Variants in DPP10 observed in about 807,000 individuals in gnomAD.
DPP10 encodes dipeptidyl peptidase like 10.
A neutral mutation model predicts 120.9 loss-of-function variants in DPP10; 33 were observed. The ratio of observed to expected loss-of-function variants is 0.27; its 90% CI spans 0.21 to 0.37. The LOEUF is 0.37. Ranked by LOEUF, DPP10 falls within the 10% of genes least tolerant of loss-of-function variation. The pLI is 1.00. For synonymous variants in DPP10, 337 were observed against 326.1 expected (o/e 1.03, Z -0.36); for missense variants, 816 against 942.8 (o/e 0.87, Z 1.76).
intron 3 of DPP10, among the ~76,000 whole-genome samples, chr2:115,466,111 A>G (rs2105119416): frequency 6.6e-6 from 1 of 152,266 alleles, no homozygotes; most frequent in African/African-American, 2.4e-5. Flanking sequence ...TTTTTCTACA[A>G]ATTCTAACTG....
intron 1 of DPP10, among the ~76,000 whole-genome samples, chr2:114,606,596 C>A (rs996381148): frequency 3.4e-4 from 51 of 152,096 alleles, no homozygotes; most frequent in African/African-American, 1.2e-3. Flanking sequence ...GTGGGAATGA[C>A]AGTCTGGAAG....
At chr2:115,337,627 G>A (rs980367765) in intron 2 of DPP10, among the ~76,000 whole-genome samples, 28 of 120,776 alleles carry the variant, frequency 2.3e-4, no homozygotes, top group African/African-American at 7.4e-4. Flanking sequence ...TGAACATCCC[G>A]AAGGATTACA....
intron 3 of DPP10, among the ~76,000 whole-genome samples, chr2:115,380,827 G>T (rs1004837944): frequency 1.3e-5 from 2 of 152,106 alleles, no homozygotes; most frequent in African/African-American, 2.4e-5. Flanking sequence ...AGTTTGGCTT[G>T]ATATGAAATT....
chr2:114,510,970 T>G (rs1684095955), intron 1 of DPP10, among the ~76,000 whole-genome samples: 1 of 152,254 alleles, frequency 6.6e-6, no homozygotes, highest in Admixed American at 6.5e-5. Flanking sequence ...GTATGTGGTT[T>G]AAAGCATTAG....
At chr2:115,544,126 A>G (rs1020336336) in intron 5 of DPP10, among the ~76,000 whole-genome samples, 3 of 152,014 alleles carry the variant, frequency 2.0e-5, no homozygotes, top group African/African-American at 7.2e-5. Context: ...AAACTGAGGA[A>G]TAAATTAAAA....
At chr2:115,174,890 C>T (rs1013187293) in intron 1 of DPP10, among the ~76,000 whole-genome samples, 13 of 152,266 alleles carry the variant, frequency 8.5e-5, no homozygotes, top group African/African-American at 1.4e-4. Flanking sequence ...CATTGCTTGT[C>T]GGGTTTGTCC....
intron 19 of DPP10, among the ~76,000 whole-genome samples, chr2:115,808,746 G>C (rs1199959166): frequency 6.6e-6 from 1 of 152,204 alleles, no homozygotes; most frequent in Non-Finnish European, 1.5e-5. Flanking sequence ...CTGAAGGTTT[G>C]ACAATGGACA....
chr2:115,672,617 G>A (rs946398936), intron 5 of DPP10, among the ~76,000 whole-genome samples: 18 of 102,482 alleles, frequency 1.8e-4, no homozygotes, highest in African/African-American at 4.6e-4. Context: ...TCATCATGGC[G>A]CCCCTTCTTT....
In DPP10 at chr2:115,602,334, C is replaced by T. The variant is rs2083379715; in HGVS notation, c.441+76362C>T. On this transcript the variant is annotated intron_variant, in intron 5 of 25. Coordinates refer to ENST00000410059, the MANE Select transcript of DPP10 (RefSeq NM_020868.6). ...ACATAATGAATGGTTTAAAAAAATG[C>T]TCGAACACATTTCCAAAGTAAATGC... Among the ~76,000 whole-genome samples, 3 of 152,264 alleles carry T rather than the reference C, an allele frequency of 2.0e-5. No individual in the cohort carries two copies. In the South Asian group the frequency reaches 6.2e-4, roughly 32 times the overall value.
At chr2:114,531,372 A>T (rs1424128604) in intron 1 of DPP10, among the ~76,000 whole-genome samples, 1 of 151,892 alleles carries the variant, frequency 6.6e-6, no homozygotes, top group African/African-American at 2.4e-5. Context: ...TCCTTTCTTG[A>T]TGATGATGAT....
At chr2:115,800,704 A>G (rs1256480919) in intron 19 of DPP10, among the ~76,000 whole-genome samples, 1 of 152,166 alleles carries the variant, frequency 6.6e-6, no homozygotes, top group Admixed American at 6.5e-5. Context: ...TCCTTTCCCC[A>G]TTGCTTGTTT....
At chr2:115,487,113 G>C (rs1162905403) in intron 3 of DPP10, among the ~76,000 whole-genome samples, 2 of 151,686 alleles carry the variant, frequency 1.3e-5, no homozygotes, top group Non-Finnish European at 2.9e-5. Context: ...AATCATGAGT[G>C]AACTCCCATT....
At chr2:115,538,037 C>A (rs1275778447) in intron 5 of DPP10, among the ~76,000 whole-genome samples, 2 of 152,020 alleles carry the variant, frequency 1.3e-5, no homozygotes, top group Non-Finnish European at 2.9e-5. Flanking sequence ...GTCTGCAACA[C>A]TGTAGCCTTG....
chr2:115,205,740 A>G (rs1398686478), intron 1 of DPP10, among the ~76,000 whole-genome samples: 2 of 152,186 alleles, frequency 1.3e-5, no homozygotes, highest in Non-Finnish European at 2.9e-5. Flanking sequence ...ACGTGGATGC[A>G]GTTGGAGGCC....
At chr2:115,066,220 C>T (rs920663801) in intron 1 of DPP10, among the ~76,000 whole-genome samples, 27 of 152,072 alleles carry the variant, frequency 1.8e-4, no homozygotes, top group African/African-American at 6.0e-4. Flanking sequence ...ATGTTTTTCA[C>T]GTTATAGATA....
chr2:115,671,282 T>C (rs1350138705), intron 5 of DPP10, among the ~76,000 whole-genome samples: 1 of 151,876 alleles, frequency 6.6e-6, no homozygotes, highest in Non-Finnish European at 1.5e-5. Flanking sequence ...ACTATAACAG[T>C]TTTATAAACC....
At chr2:115,092,619 A>T (rs956186706) in intron 1 of DPP10, among the ~76,000 whole-genome samples, 3 of 152,152 alleles carry the variant, frequency 2.0e-5, no homozygotes, top group African/African-American at 7.2e-5. Context: ...AAGATAAAAT[A>T]AAAAAAGTAA....
chr2:114,894,369 A>C (rs1348241666), intron 1 of DPP10, among the ~76,000 whole-genome samples: 1 of 152,148 alleles, frequency 6.6e-6, no homozygotes, highest in East Asian at 1.9e-4. Flanking sequence ...AAACAACAAC[A>C]ACAAAGTTTT....
chr2:114,869,286 C>T (rs936854856), intron 1 of DPP10, among the ~76,000 whole-genome samples: 4 of 152,004 alleles, frequency 2.6e-5, no homozygotes, highest in Non-Finnish European at 4.4e-5. Flanking sequence ...TTGTGAAATG[C>T]TCCTTAACTG....
Sources: allele counts gnomAD v4.1 joint callset (sites outside exome capture counted in the v4.1 genomes callset), GRCh38; gene constraint gnomAD v4.1.1; transcripts MANE v1.5; gene names NCBI Gene and HGNC (gene_info 2026-07-23, HGNC 2026-07-21).